Variants in NKAPD1 observed in about 807,000 individuals in gnomAD.
The protein encoded by NKAPD1 is NKAP domain containing 1.
In NKAPD1, 12 loss-of-function variants were observed where a neutral mutation model predicts 30.9. The ratio of observed to expected loss-of-function variants is 0.39; its 90% CI spans 0.25 to 0.63. The LOEUF is 0.63. Ranked by LOEUF, NKAPD1 falls within the 20% of genes least tolerant of loss-of-function variation. NKAPD1 has a pLI of 0.51. For missense variants in NKAPD1, 311 were observed against 344.5 expected (o/e 0.90, Z 0.77); for synonymous variants, 91 against 113.6 (o/e 0.80, Z 1.26).
At position 112,084,296 on chromosome 11, in the gene NKAPD1, T is replaced by C. The variant is rs1865528136; in HGVS notation, c.*1324T>C. The C allele has an allele frequency of 6.6e-6, 1 of 152,622 alleles. No individual in the cohort carries two copies. 9.5% of individuals were successfully genotyped at this position (152,622 alleles called of 1,614,324 possible). ...TAGATACAACTATGATGACATTCCA[T>C]GAGTTGGTATTTTTAGTTCTAACTG... On this transcript the variant is annotated 3_prime_UTR_variant, in exon 6 of 6. Coordinates refer to ENST00000393047, the MANE Select transcript of NKAPD1 (RefSeq NM_018195.4).
chr11:112,079,520 G>T (rs1865400024), intron 3 of NKAPD1, among the ~76,000 whole-genome samples: 1 of 152,204 alleles, frequency 6.6e-6, no homozygotes, highest in Non-Finnish European at 1.5e-5. Context: ...AGCTGGATCA[G>T]TGGTTCTCAA....
intron 5 of NKAPD1, 181 bp from the exon 6 acceptor site, chr11:112,082,284 C>G (rs1400847809): frequency 3.2e-5 from 23 of 708,810 alleles, no homozygotes; most frequent in Non-Finnish European, 4.8e-5. Context: ...GAATTTTTAC[C>G]TTCATTTTAA....
At position 112,083,104 on chromosome 11, in the gene NKAPD1, A is replaced by G. The variant is rs1041278114; in HGVS notation, c.*132A>G. 2.6e-5 allele frequency: 23 copies of G among 886,438 alleles called. No individual in the cohort carries two copies. The highest frequency in any genetic ancestry group is 3.3e-4 in the Middle Eastern group (1 of 3,040). The allele number at this position is 886,438 out of a possible 1,614,324, so 54.9% of individuals were successfully genotyped here. On this transcript the variant is annotated 3_prime_UTR_variant, in exon 6 of 6. Coordinates refer to ENST00000393047, the MANE Select transcript of NKAPD1 (RefSeq NM_018195.4). ...TCTTGTGCCATCTGTATGTTCTGACAGACGTCTTGTCTTCTATTTTGGCGT... is the reference window on the plus strand; with the variant it reads ...TCTTGTGCCATCTGTATGTTCTGACGGACGTCTTGTCTTCTATTTTGGCGT...
chr11:112,078,375 T>C (rs971447773), intron 3 of NKAPD1, 60 bp downstream of exon 3: 6 of 1,331,660 alleles, frequency 4.5e-6, no homozygotes, highest in Non-Finnish European at 5.3e-6. Flanking sequence ...CATCAACTTT[T>C]GTTTAAAAAT....
chr11:112,082,044 A>G lies in NKAPD1; in HGVS notation c.374+9A>G, dbSNP rs1355665510. On this transcript the variant is annotated intron_variant, in intron 5 of 5. Coordinates refer to ENST00000393047, the MANE Select transcript of NKAPD1 (RefSeq NM_018195.4). ...GAATTTGAAACAGACAGGTAAGGAA[A>G]ATAGGCTTACTGAAAGAAACTAAGA... 7 of 1,604,646 alleles carry G rather than the reference A, an allele frequency of 4.4e-6. No homozygotes were observed. The highest frequency in any genetic ancestry group is 6.0e-6 in the Non-Finnish European group (7 of 1,172,122).
Position 112,074,588 on chromosome 11 carries a change from T to G in NKAPD1, c.-337T>G. The G allele has an allele frequency of 2.5e-6, 1 of 398,478 alleles. No individual in the cohort carries two copies. The allele number at this position is 398,478 out of a possible 1,614,324, so 24.7% of individuals were successfully genotyped here. Reference sequence around the variant, plus strand: ...TCCCAGCCTTTCTGGGGAGTGAAACTTACCCCCGGGGTTCGTCCTAGAGGA... The same window carrying G: ...TCCCAGCCTTTCTGGGGAGTGAAACGTACCCCCGGGGTTCGTCCTAGAGGA... On this transcript the variant is annotated 5_prime_UTR_variant, in exon 1 of 6. Coordinates refer to ENST00000393047, the MANE Select transcript of NKAPD1 (RefSeq NM_018195.4).
intron 3 of NKAPD1, 78 bp downstream of exon 3, chr11:112,078,393 T>G: frequency 1.7e-6 from 2 of 1,145,850 alleles, no homozygotes; most frequent in Non-Finnish European, 2.6e-6. Context: ...AATACTTTGG[T>G]ATATTAAGGA....
intron 1 of NKAPD1, among the ~76,000 whole-genome samples, chr11:112,075,293 A>G (rs961175469): frequency 1.3e-5 from 2 of 152,250 alleles, no homozygotes; most frequent in Non-Finnish European, 2.9e-5. Flanking sequence ...AGTAGTTATG[A>G]GGATTAAATA....
intron 3 of NKAPD1, among the ~76,000 whole-genome samples, chr11:112,078,842 C>A (rs1429216639): frequency 6.6e-6 from 1 of 152,128 alleles, no homozygotes; most frequent in Admixed American, 6.5e-5. Flanking sequence ...GAGCCACTTG[C>A]CTGGCCTCAG....
Sources: gnomAD v4.1 joint callset for allele counts (sites outside exome capture counted in the v4.1 genomes callset) on GRCh38, gnomAD v4.1.1 for gene constraint, MANE v1.5 for transcripts, NCBI Gene and HGNC (gene_info 2026-07-23, HGNC 2026-07-21) for gene names.